The following RNFT2 variants were observed in gnomAD, a reference collection of about 807,000 sequenced individuals.
RNFT2 encodes the protein ring finger protein, transmembrane 2.
A neutral mutation model predicts 53.0 loss-of-function variants in RNFT2; 36 were observed. That is an observed-to-expected ratio of 0.68 (90% CI 0.52 to 0.90). The LOEUF (loss-of-function observed/expected upper bound fraction) is 0.90, where lower values mean the gene tolerates loss of function less well. Ranked by LOEUF, RNFT2 falls within the 40% of genes least tolerant of loss-of-function variation. RNFT2 has a pLI of 0.00. For missense variants in RNFT2, 514 were observed against 585.6 expected (o/e 0.88, Z 1.26); for synonymous variants, 260 against 253.2 (o/e 1.03, Z -0.26).
chr12:116,805,594 C>A (rs1195499003), intron 7 of RNFT2, among the ~76,000 whole-genome samples: 2 of 152,168 alleles, frequency 1.3e-5, no homozygotes. Context: ...CGTGCCTCAG[C>A]CTCCTGAGTA....
chr12:116,771,738 T>C (rs1489367878), intron 6 of RNFT2, among the ~76,000 whole-genome samples: 1 of 152,142 alleles, frequency 6.6e-6, no homozygotes, highest in Non-Finnish European at 1.5e-5. Context: ...CTCAGAGTTC[T>C]ACGCAATGTG....
intron 10 of RNFT2, 112 bp downstream of exon 10, chr12:116,836,394 T>G: frequency 3.4e-6 from 3 of 885,504 alleles, no homozygotes; most frequent in Non-Finnish European, 5.3e-6. Flanking sequence ...GCAATCCGGT[T>G]AAGACCGGAG....
chr12:116,780,961 C>T (rs1171244281), intron 7 of RNFT2, among the ~76,000 whole-genome samples: 2 of 152,178 alleles, frequency 1.3e-5, no homozygotes, highest in Non-Finnish European at 2.9e-5. Context: ...ACCTAGTTTC[C>T]TCATCTGTCA....
intron 7 of RNFT2, among the ~76,000 whole-genome samples, chr12:116,811,066 C>G (rs907100898): frequency 1.3e-5 from 2 of 152,124 alleles, no homozygotes; most frequent in Non-Finnish European, 2.9e-5. Flanking sequence ...CAGTCACCTC[C>G]CTTCTCCATG....
At chr12:116,841,943 A>G (rs1474029679) in intron 10 of RNFT2, among the ~76,000 whole-genome samples, 1 of 27,122 alleles carries the variant, frequency 3.7e-5, no homozygotes, top group Non-Finnish European at 5.4e-5. Context: ...ATAAATATAT[A>G]TATAAATATA....
At chr12:116,808,423 T>G (rs1486406751) in intron 7 of RNFT2, among the ~76,000 whole-genome samples, 2 of 152,186 alleles carry the variant, frequency 1.3e-5, no homozygotes, top group African/African-American at 4.8e-5. Flanking sequence ...TGTTTTGTTT[T>G]GTTTTTCCCT....
rs573640641 is a variant in RNFT2 at position 116,836,300 on chromosome 12, G to A, written c.1200+18G>A. The A allele has an allele frequency of 3.0e-5, 47 of 1,552,856 alleles. No homozygotes were observed. The highest frequency in any genetic ancestry group is 4.8e-5 in the East Asian group (2 of 41,356). On this transcript the variant is annotated intron_variant, in intron 10 of 10. Coordinates refer to ENST00000257575, the MANE Select transcript of RNFT2 (RefSeq NM_001382266.1). ...TGTGCCAGGTGAGCAGGGCTCAGGC[G>A]GGACCATTGGAGACCAAGGCTGGGG...
At chr12:116,828,066 T>C (rs147170523) in intron 7 of RNFT2, among the ~76,000 whole-genome samples, 1 of 152,284 alleles carries the variant, frequency 6.6e-6, no homozygotes, top group Non-Finnish European at 1.5e-5. Flanking sequence ...GGGGTAGCCG[T>C]GTCCTTACCT....
In RNFT2 at chr12:116,764,517, C is replaced by T. The variant is rs1221299670; in HGVS notation, c.628-2297C>T. 3.3e-5 allele frequency among the ~76,000 whole-genome samples: 5 copies of T among 152,258 alleles called. No homozygotes were observed. In the East Asian group the frequency reaches 7.7e-4, roughly 23 times the overall value. On this transcript the variant is annotated intron_variant, in intron 5 of 10. Coordinates refer to ENST00000257575, the MANE Select transcript of RNFT2 (RefSeq NM_001382266.1). Reference sequence around the variant, plus strand: ...ATTTGCACATGAGCACATTGAGGTTCGGAGTTGGGGACAGAGTCAGAGGTC... The same window carrying T: ...ATTTGCACATGAGCACATTGAGGTTTGGAGTTGGGGACAGAGTCAGAGGTC...
intron 7 of RNFT2, among the ~76,000 whole-genome samples, chr12:116,786,266 C>T (rs1873931590): frequency 6.6e-6 from 1 of 151,870 alleles, no homozygotes; most frequent in Admixed American, 6.6e-5. Context: ...GGATTATAGA[C>T]ACGTGCCACC....
intron 10 of RNFT2, among the ~76,000 whole-genome samples, chr12:116,841,796 T>TATATATATAAATATATATATATATAA (rs1877277281): frequency 1.1e-5 from 1 of 92,226 alleles, no homozygotes; most frequent in African/African-American, 4.9e-5. Context: ...TATATATAAA[T>TATATATATAAATATATATATATATAA]ATATATATAA....
intron 3 of RNFT2, among the ~76,000 whole-genome samples, chr12:116,749,159 C>G (rs947032478): frequency 1.3e-5 from 2 of 152,132 alleles, no homozygotes; most frequent in Non-Finnish European, 2.9e-5. Context: ...AGGCTGAGAT[C>G]AGGGTATCAG....
At chr12:116,805,217 C>A (rs1296851584) in intron 7 of RNFT2, among the ~76,000 whole-genome samples, 2 of 149,244 alleles carry the variant, frequency 1.3e-5, no homozygotes, top group Non-Finnish European at 3.0e-5. Context: ...GGGTTTACTT[C>A]TTGATGTTTG....
At chr12:116,817,501 A>C (rs950239972) in intron 7 of RNFT2, among the ~76,000 whole-genome samples, 1 of 152,202 alleles carries the variant, frequency 6.6e-6, no homozygotes, top group East Asian at 1.9e-4. Flanking sequence ...AGGTGAGAGC[A>C]TAAGCTGTAT....
At chr12:116,773,589 A>G (rs1012220713) in intron 6 of RNFT2, among the ~76,000 whole-genome samples, 1 of 152,168 alleles carries the variant, frequency 6.6e-6, no homozygotes, top group African/African-American at 2.4e-5. Flanking sequence ...CGCAGAGTCC[A>G]GTGGGGATGT....
At chr12:116,816,066 T>A (rs924078) in intron 7 of RNFT2, among the ~76,000 whole-genome samples, 125,490 of 152,176 alleles carry the variant, frequency 0.82, 52,767 homozygotes, top group Non-Finnish European at 0.91. Context: ...TATAGCTGAC[T>A]TGGGGACAGA....
chr12:116,753,943 G>A (rs1412294967), intron 4 of RNFT2, 41 bp from the exon 5 acceptor site: 2 of 1,552,438 alleles, frequency 1.3e-6, no homozygotes, highest in Non-Finnish European at 1.8e-6. Context: ...TAGGCCTGAT[G>A]AGTCTAAGTG....
chr12:116,824,170 T>TA (rs1418495694), intron 7 of RNFT2, among the ~76,000 whole-genome samples: 15 of 152,236 alleles, frequency 9.9e-5, no homozygotes, highest in Middle Eastern at 3.4e-3. Flanking sequence ...GTCTCACTCC[T>TA]ACCCTCATCA....
chr12:116,769,579 T>C (rs1327735339), intron 6 of RNFT2, among the ~76,000 whole-genome samples: 1 of 152,164 alleles, frequency 6.6e-6, no homozygotes, highest in Non-Finnish European at 1.5e-5. Context: ...AAAAACCTTA[T>C]AGAATAAGGA....
Sources: allele counts gnomAD v4.1 joint callset (sites outside exome capture counted in the v4.1 genomes callset), GRCh38; gene constraint gnomAD v4.1.1; transcripts MANE v1.5; gene names NCBI Gene and HGNC (gene_info 2026-07-23, HGNC 2026-07-21).